The following PCNX2 variants were observed in gnomAD, a reference collection of about 807,000 sequenced individuals.
PCNX2 encodes the protein pecanex-like protein 2.
PCNX2 carries 168 observed loss-of-function variants against 223.8 expected under a neutral mutation model. The observed-to-expected ratio is 0.75, with a 90% CI of 0.66 to 0.85. The LOEUF (loss-of-function observed/expected upper bound fraction) is 0.85. PCNX2 is among the 40% of genes least tolerant of loss of function. PCNX2 has a pLI of 0.00. For missense variants in PCNX2, 2,507 were observed against 2,675.5 expected (o/e 0.94, Z 1.39); for synonymous variants, 1,006 against 1,052.6 (o/e 0.96, Z 0.86).
chr1:233,320,350 CGTGTGTGT>C, the PCNX2 span, among the ~76,000 whole-genome samples: 1 of 149,806 alleles, frequency 6.7e-6, no homozygotes, highest in Non-Finnish European at 1.5e-5. Context: ...TACATACATT[CGTGTGTGT>C]GTGTGTGTGT....
intron 1 of PCNX2, among the ~76,000 whole-genome samples, chr1:233,278,311 C>A (rs1661017683): frequency 6.6e-6 from 1 of 152,198 alleles, no homozygotes; most frequent in Non-Finnish European, 1.5e-5. Context: ...AAGAGGAGGG[C>A]AAGTCTGCAG....
chr1:233,222,429 C>T (rs561498224), intron 10 of PCNX2, among the ~76,000 whole-genome samples: 1 of 152,182 alleles, frequency 6.6e-6, no homozygotes, highest in South Asian at 2.1e-4. Flanking sequence ...GCATGATGGG[C>T]ACCTGTGATC....
chr1:233,243,714 C>T (rs1658923216), intron 8 of PCNX2, among the ~76,000 whole-genome samples: 1 of 152,204 alleles, frequency 6.6e-6, no homozygotes, highest in Non-Finnish European at 1.5e-5. Context: ...AGTCACAGTG[C>T]AGTTTACCTG....
chr1:233,163,156 G>GATAAA (rs1378502238), intron 17 of PCNX2, among the ~76,000 whole-genome samples: 1 of 151,858 alleles, frequency 6.6e-6, no homozygotes. Context: ...TAGTTATTGA[G>GATAAA]ATAAAATTGG....
intron 21 of PCNX2, among the ~76,000 whole-genome samples, chr1:233,129,893 G>T (rs1441066239): frequency 1.3e-5 from 2 of 152,182 alleles, no homozygotes; most frequent in African/African-American, 2.4e-5. Context: ...GCCAGCAGTG[G>T]CAATCTGCCA....
chr1:233,031,785 CTTTTTTT>C, intron 25 of PCNX2: 3 of 934,896 alleles, frequency 3.2e-6, no homozygotes, highest in Non-Finnish European at 3.8e-6. Flanking sequence ...TGAAAGCATT[CTTTTTTT>C]TTTTTTTTTT....
At chr1:233,306,492 G>C in the PCNX2 span, among the ~76,000 whole-genome samples, 1 of 152,170 alleles carries the variant, frequency 6.6e-6, no homozygotes, top group African/African-American at 2.4e-5. Flanking sequence ...ACAAGGTTCT[G>C]AAAAAGCTTA....
chr1:233,298,869 G>A (rs1001709690), upstream of PCNX2, among the ~76,000 whole-genome samples: 2 of 151,668 alleles, frequency 1.3e-5, no homozygotes, highest in South Asian at 2.1e-4. Context: ...GTGACAGAGC[G>A]AGACTGCATC....
chr1:233,323,305 T>C, the PCNX2 span, among the ~76,000 whole-genome samples: 1 of 152,248 alleles, frequency 6.6e-6, no homozygotes. Context: ...TGTACTATCA[T>C]ACTAAAGTCC....
intron 23 of PCNX2, chr1:233,057,828 C>T: frequency 9.3e-6 from 9 of 972,508 alleles, no homozygotes; most frequent in South Asian, 4.8e-5. Flanking sequence ...CCACTGCACT[C>T]CAACCTGGGT....
At chr1:233,200,058 AAAC>A in intron 14 of PCNX2, 93 bp downstream of exon 14, 1 of 1,010,060 alleles carries the variant, frequency 9.9e-7, no homozygotes. Context: ...AGGACAAAGA[AAAC>A]CTAACTAGCC....
intron 1 of PCNX2, among the ~76,000 whole-genome samples, chr1:233,281,085 T>C (rs2103019590): frequency 6.6e-6 from 1 of 152,342 alleles, no homozygotes; most frequent in Admixed American, 6.5e-5. Context: ...AGTGTTTTAT[T>C]GCCTGTGTAC....
the PCNX2 span, among the ~76,000 whole-genome samples, chr1:233,318,286 C>G: frequency 6.6e-6 from 1 of 152,144 alleles, no homozygotes; most frequent in South Asian, 2.1e-4. Context: ...TTAAAGAATT[C>G]ACATACAGTT....
chr1:233,113,744 G>C (rs1342931916), intron 21 of PCNX2, among the ~76,000 whole-genome samples: 1 of 152,218 alleles, frequency 6.6e-6, no homozygotes, highest in Non-Finnish European at 1.5e-5. Flanking sequence ...CATCCTGGGT[G>C]GCAGCTGAGA....
intron 19 of PCNX2, among the ~76,000 whole-genome samples, chr1:233,141,730 T>A (rs1248540231): frequency 2.4e-5 from 2 of 82,354 alleles, no homozygotes; most frequent in East Asian, 6.3e-4. Context: ...TGTGTGTAAA[T>A]GTGTATATAT....
chr1:233,148,899 T>A (rs549727228), intron 19 of PCNX2, among the ~76,000 whole-genome samples: 2 of 152,304 alleles, frequency 1.3e-5, no homozygotes, highest in East Asian at 3.9e-4. Flanking sequence ...AAAACAAAAG[T>A]GTAAGTCCAG....
At chr1:233,166,968 C>G (rs1303440874) in intron 17 of PCNX2, among the ~76,000 whole-genome samples, 1 of 151,932 alleles carries the variant, frequency 6.6e-6, no homozygotes, top group African/African-American at 2.4e-5. Flanking sequence ...ATAATGGGAA[C>G]CCATCTCTAT....
At chr1:232,988,645 C>CT (rs1368700182) in intron 32 of PCNX2, among the ~76,000 whole-genome samples, 1 of 152,146 alleles carries the variant, frequency 6.6e-6, no homozygotes, top group Non-Finnish European at 1.5e-5. Context: ...CACTTAATTC[C>CT]TTTGTCTTTG....
chr1:233,248,913 T>A (rs1375767306), intron 8 of PCNX2, among the ~76,000 whole-genome samples: 1 of 152,064 alleles, frequency 6.6e-6, no homozygotes, highest in African/African-American at 2.4e-5. Flanking sequence ...CAAACCTATG[T>A]CCAGGCAGCT....
Sources: allele counts gnomAD v4.1 joint callset (sites outside exome capture counted in the v4.1 genomes callset), GRCh38; gene constraint gnomAD v4.1.1; transcripts MANE v1.5; gene names NCBI Gene and HGNC (gene_info 2026-07-23, HGNC 2026-07-21).